Variants in TMCC2 observed in about 807,000 individuals in gnomAD.
The protein encoded by TMCC2 is transmembrane and coiled-coil domains protein 2.
Under a neutral mutation model 49.4 loss-of-function variants are expected in TMCC2, and 16 were observed. The ratio of observed to expected loss-of-function variants is 0.32; its 90% CI spans 0.22 to 0.49. The LOEUF (loss-of-function observed/expected upper bound fraction) is 0.49. Among genes scored for constraint, TMCC2 ranks in the 20% least tolerant of loss-of-function variants. The pLI, the probability that TMCC2 is intolerant of heterozygous loss-of-function variation, is 0.99. For missense variants in TMCC2, 762 were observed against 989.8 expected (o/e 0.77, Z 3.09); for synonymous variants, 397 against 434.1 (o/e 0.91, Z 1.06).
At chr1:205,256,303 A>ACACTGCT (rs1274301053) in intron 2 of TMCC2, 1 of 1,549,200 alleles carries the variant, frequency 6.5e-7, no homozygotes, top group Non-Finnish European at 8.7e-7. Context: ...CCAGCCGGTG[A>ACACTGCT]CACTGCTCAC....
At chr1:205,242,524 A>G (rs1660312764) in intron 2 of TMCC2, among the ~76,000 whole-genome samples, 1 of 152,222 alleles carries the variant, frequency 6.6e-6, no homozygotes, top group Admixed American at 6.5e-5. Flanking sequence ...TACTATTGGC[A>G]CCAACCAAAG....
At chr1:205,238,837 A>C (rs1436172991) in intron 1 of TMCC2, among the ~76,000 whole-genome samples, 1 of 152,232 alleles carries the variant, frequency 6.6e-6, no homozygotes, top group Non-Finnish European at 1.5e-5. Flanking sequence ...CTTCATCTGC[A>C]AAATAGACAC....
intron 1 of TMCC2, chr1:205,236,652 GACAA>G (rs1444228809): frequency 6.6e-6 from 1 of 152,256 alleles, no homozygotes; most frequent in Non-Finnish European, 1.5e-5. Context: ...ATAACAGTCA[GACAA>G]AGCACTAGAA....
At position 205,241,281 on chromosome 1, in the gene TMCC2, G is replaced by A. The variant is rs372539257; in HGVS notation, c.208-224G>A. On this transcript the variant is annotated intron_variant, in intron 1 of 4. Transcript: ENST00000358024. This position sits in a 1 kb window ranked among gnomAD's most constrained non-coding sequence, Gnocchi z 7.3. ...GATTAGGAATGTCCCGTGGAAAACC[G>A]TGGGGGCACACTTCTTTCGGAATGA... 2.0e-5 allele frequency among the ~76,000 whole-genome samples: 3 copies of A among 152,126 alleles called. No individual in the cohort carries two copies. Among genetic ancestry groups the A allele is most frequent in the Admixed American group, 1.3e-4 (2 of 15,278 alleles).
intron 2 of TMCC2, among the ~76,000 whole-genome samples, chr1:205,263,680 T>C (rs1661208158): frequency 6.6e-6 from 1 of 152,084 alleles, no homozygotes; most frequent in Admixed American, 6.5e-5. Flanking sequence ...CACTCCAGCC[T>C]GGGCAGCAGA....
chr1:205,229,609 C>G (rs1659712526), intron 1 of TMCC2: 1 of 976,750 alleles, frequency 1.0e-6, no homozygotes, highest in African/African-American at 1.9e-5. Context: ...TAGGTGGAGC[C>G]AGAGGTTAAG....
In TMCC2 at chr1:205,228,730, G is replaced by T. The variant is rs1266220737; in HGVS notation, c.166G>T (p.Ala56Ser). ...AACTTCAGACGCCGGCGCTGCCGCG[G>T]CGCCCAACCCAGGTCCCCGAAGCAA... ...GPTSDAGAAAAPNPGPRSKPP... is the reference protein window; with the variant it reads ...GPTSDAGAAASPNPGPRSKPP... The change falls in exon 1 of 5, where the codon GCG becomes TCG. Residue 56 changes from alanine to serine, a missense_variant. This residue lies in a region of TMCC2 where 322 missense variants were observed against 353.1 expected (regional missense o/e 0.91). Transcript: ENST00000358024. 6.2e-7 allele frequency: 1 copy of T among 1,610,386 alleles called. No individual in the cohort carries two copies. The highest frequency in any genetic ancestry group is 1.7e-5 in the Admixed American group (1 of 59,656).
chr1:205,249,470 G>A (rs1660582127), intron 2 of TMCC2, among the ~76,000 whole-genome samples: 1 of 152,202 alleles, frequency 6.6e-6, no homozygotes, highest in African/African-American at 2.4e-5. Flanking sequence ...TGGGTGGGGC[G>A]GGCTCTGCTG....
At chr1:205,254,893 C>A (rs979033629) in intron 2 of TMCC2, among the ~76,000 whole-genome samples, 1 of 152,174 alleles carries the variant, frequency 6.6e-6, no homozygotes. Context: ...CTTCCTTTTC[C>A]TCTGCTTAAT....
intron 1 of TMCC2, among the ~76,000 whole-genome samples, chr1:205,231,017 G>C (rs1351638339): frequency 2.7e-5 from 1 of 37,334 alleles, no homozygotes; most frequent in Non-Finnish European, 6.3e-5. Context: ...CGCCCCCAGA[G>C]AAAACATACC....
intron 1 of TMCC2, chr1:205,234,213 A>T (rs1254577459): frequency 6.6e-6 from 1 of 152,192 alleles, no homozygotes; most frequent in Non-Finnish European, 1.5e-5. Context: ...TGGGAGGCCG[A>T]GATGGGTGGA....
intron 2 of TMCC2, chr1:205,257,244 C>T (rs951532653): frequency 5.7e-6 from 7 of 1,232,260 alleles, no homozygotes; most frequent in South Asian, 8.2e-5. Flanking sequence ...CACACCTGCT[C>T]GCAGCCCAGT....
At chr1:205,248,424 G>A (rs1050849370) in intron 2 of TMCC2, among the ~76,000 whole-genome samples, 9 of 152,126 alleles carry the variant, frequency 5.9e-5, no homozygotes, top group Non-Finnish European at 7.3e-5. Context: ...TAAAAAAATC[G>A]TCATCTCAGC....
chr1:205,271,456 C>A, intron 4 of TMCC2: 2 of 866,984 alleles, frequency 2.3e-6, no homozygotes, highest in South Asian at 1.6e-5. Context: ...ACAGCGTGCA[C>A]TGTGCAGAGG....
At position 205,252,651 on chromosome 1, in the gene TMCC2, C is replaced by G. The variant is rs182012360; in HGVS notation, c.747+10607C>G. The stretch of plus-strand genomic sequence containing the variant: ...CGCCAGCCTTTCAAAGAGGAGTCCT[C>G]ACTGGCAGATTTTCACAGCACATTT... On this transcript the variant is annotated intron_variant, in intron 2 of 4. Coordinates refer to ENST00000358024, the MANE Select transcript of TMCC2 (RefSeq NM_014858.4). Among the ~76,000 whole-genome samples, 8 of 152,314 alleles carry G rather than the reference C, an allele frequency of 5.3e-5. No individual in the cohort carries two copies. The East Asian group carries it at 1.5e-3, about 29-fold the overall frequency.
intron 3 of TMCC2, among the ~76,000 whole-genome samples, chr1:205,270,364 T>A (rs1411656203): frequency 6.6e-6 from 1 of 152,188 alleles, no homozygotes; most frequent in African/African-American, 2.4e-5. Context: ...AGCATGTGAA[T>A]GGATGTATAG....
intron 2 of TMCC2, chr1:205,268,055 G>T: frequency 4.1e-6 from 4 of 985,414 alleles, no homozygotes; most frequent in Non-Finnish European, 3.6e-6. Flanking sequence ...CTGGAGAGCC[G>T]TAAGGTAATG....
At chr1:205,256,342 G>T (rs1476257174) in intron 2 of TMCC2, 1 of 1,550,688 alleles carries the variant, frequency 6.4e-7, no homozygotes, top group Non-Finnish European at 8.7e-7. Context: ...GTGGACCTCT[G>T]TCCCCCTCTG....
At chr1:205,246,197 A>G (rs1660445248) in intron 2 of TMCC2, among the ~76,000 whole-genome samples, 1 of 151,196 alleles carries the variant, frequency 6.6e-6, no homozygotes, top group South Asian at 2.1e-4. Flanking sequence ...GAGAAGTCAA[A>G]TGTGGTTCAC....
Sources: gnomAD v4.1 joint callset for allele counts (sites outside exome capture counted in the v4.1 genomes callset) on GRCh38, gnomAD v4.1.1 for gene constraint, gnomAD v4.1.1 regional missense constraint, Gnocchi (gnomAD v3.1) non-coding constraint, MANE v1.5 for transcripts, NCBI Gene and HGNC (gene_info 2026-07-23, HGNC 2026-07-21) for gene names.